Variants in COLEC10 observed in about 807,000 individuals in gnomAD.
COLEC10 encodes the protein collectin subfamily member 10.
In COLEC10, 22 loss-of-function variants were observed where a neutral mutation model predicts 28.4. That is an observed-to-expected ratio of 0.78 (90% CI 0.55 to 1.11). The LOEUF (loss-of-function observed/expected upper bound fraction) is 1.11, where lower values mean the gene tolerates loss of function less well. Ranked by LOEUF, COLEC10 falls within the 50% of genes least tolerant of loss-of-function variation. The pLI is 0.00. For synonymous variants in COLEC10, 125 were observed against 116.1 expected (o/e 1.08, Z -0.49); for missense variants, 361 against 344.1 (o/e 1.05, Z -0.39).
the COLEC10 span, among the ~76,000 whole-genome samples, chr8:118,953,832 G>A: frequency 6.6e-6 from 1 of 152,100 alleles, no homozygotes. Context: ...ATTTTTCCTA[G>A]CTCTGTGACC....
At chr8:119,044,260 A>G (rs1476381579) in intron 2 of COLEC10, among the ~76,000 whole-genome samples, 3 of 152,260 alleles carry the variant, frequency 2.0e-5, no homozygotes, top group African/African-American at 4.8e-5. Flanking sequence ...TTACTTGCCA[A>G]GAATCAGAAA....
chr8:119,093,402 G>A (rs1047131660), intron 3 of COLEC10, among the ~76,000 whole-genome samples: 6 of 152,110 alleles, frequency 3.9e-5, no homozygotes, highest in Non-Finnish European at 8.8e-5. Context: ...AGATCTGGTG[G>A]GTTATATTGT....
chr8:119,007,522 C>T (rs1202447872), intron 1 of COLEC10, among the ~76,000 whole-genome samples: 1 of 151,070 alleles, frequency 6.6e-6, no homozygotes, highest in Admixed American at 6.6e-5. Context: ...AAAGTTTAAT[C>T]ATGGAACAAT....
chr8:119,034,944 T>A (rs570442646), intron 2 of COLEC10, among the ~76,000 whole-genome samples: 2 of 152,318 alleles, frequency 1.3e-5, no homozygotes, highest in South Asian at 4.1e-4. Context: ...TGAAGTTTAG[T>A]AAACGGCAAC....
chr8:119,069,511 G>T (rs1202542624), intron 1 of COLEC10, among the ~76,000 whole-genome samples: 1 of 145,606 alleles, frequency 6.9e-6, no homozygotes, highest in African/African-American at 2.5e-5. Context: ...GACGTCTGAG[G>T]CAGGAGAATT....
At chr8:119,081,076 C>G (rs1815357901) in intron 1 of COLEC10, among the ~76,000 whole-genome samples, 1 of 151,950 alleles carries the variant, frequency 6.6e-6, no homozygotes, top group Admixed American at 6.6e-5. Flanking sequence ...TCTTATTTAT[C>G]CATTTGTTTT....
At chr8:119,036,521 G>T (rs561204966) in intron 2 of COLEC10, among the ~76,000 whole-genome samples, 1 of 152,174 alleles carries the variant, frequency 6.6e-6, no homozygotes, top group African/African-American at 2.4e-5. Context: ...AGTTCTAAGA[G>T]TATGTGACAG....
chr8:118,973,549 A>G, the COLEC10 span, among the ~76,000 whole-genome samples: 1 of 152,004 alleles, frequency 6.6e-6, no homozygotes, highest in Admixed American at 6.6e-5. Flanking sequence ...TACACAAGTC[A>G]AAAAGACAAA....
intron 1 of COLEC10, among the ~76,000 whole-genome samples, chr8:119,087,352 G>C: frequency 6.6e-6 from 1 of 152,198 alleles, no homozygotes. Flanking sequence ...AAGGTAATTA[G>C]AGGGAGAATT....
At chr8:119,013,346 CT>C (rs1163392171) in intron 2 of COLEC10, among the ~76,000 whole-genome samples, 2 of 150,346 alleles carry the variant, frequency 1.3e-5, no homozygotes, top group Non-Finnish European at 3.0e-5. Context: ...GATTTCTGCT[CT>C]TTAAATGTGG....
chr8:119,077,314 T>C (rs914651229), intron 1 of COLEC10, among the ~76,000 whole-genome samples: 4 of 149,398 alleles, frequency 2.7e-5, no homozygotes, highest in African/African-American at 9.9e-5. Context: ...ATTATTCTAA[T>C]GTGGCCTAGC....
chr8:118,989,338 G>A, the COLEC10 span, among the ~76,000 whole-genome samples: 1 of 152,118 alleles, frequency 6.6e-6, no homozygotes, highest in East Asian at 1.9e-4. Flanking sequence ...CCAAACAGAT[G>A]AGAAAATCCA....
At chr8:119,061,129 A>G (rs1814848522) in intron 2 of COLEC10, among the ~76,000 whole-genome samples, 1 of 152,108 alleles carries the variant, frequency 6.6e-6, no homozygotes, top group Admixed American at 6.6e-5. Flanking sequence ...GTGTGTATTT[A>G]TAAATAATTT....
At chr8:118,981,317 C>T in the COLEC10 span, among the ~76,000 whole-genome samples, 2 of 152,066 alleles carry the variant, frequency 1.3e-5, no homozygotes, top group African/African-American at 2.4e-5. Context: ...CTGTGATATC[C>T]TTTACATTAC....
At chr8:118,962,391 T>C in the COLEC10 span, among the ~76,000 whole-genome samples, 2 of 152,228 alleles carry the variant, frequency 1.3e-5, no homozygotes, top group Admixed American at 6.5e-5. Context: ...ATGAAAACAT[T>C]CCCTTTACCT....
chr8:118,985,177 G>A, the COLEC10 span, among the ~76,000 whole-genome samples: 1 of 152,036 alleles, frequency 6.6e-6, no homozygotes, highest in African/African-American at 2.4e-5. Context: ...CTCCCAGAAT[G>A]GTGAGAGAAT....
At chr8:118,975,780 G>T in the COLEC10 span, among the ~76,000 whole-genome samples, 2 of 152,040 alleles carry the variant, frequency 1.3e-5, no homozygotes, top group African/African-American at 2.4e-5. Flanking sequence ...TTCCAACCCT[G>T]AAGTAGAGGA....
rs1815945936 is a variant in COLEC10 at position 119,106,448 on chromosome 8, G to A, written c.*257G>A. On this transcript the variant is annotated 3_prime_UTR_variant, in exon 6 of 6. Transcript: ENST00000332843. ...AATTTTAATTACTAATTGTGCACGA[G>A]ATAGTTGGTTGTCTATATGTCAAAT... 5.4e-6 allele frequency: 2 copies of A among 371,950 alleles called. No individual in the cohort carries two copies. The highest frequency in any genetic ancestry group is 1.0e-5 in the Non-Finnish European group (2 of 200,616). 23.0% of individuals were successfully genotyped at this position (371,950 alleles called of 1,614,324 possible).
chr8:119,044,803 C>A (rs567012115), intron 2 of COLEC10, among the ~76,000 whole-genome samples: 4 of 148,856 alleles, frequency 2.7e-5, no homozygotes, highest in Admixed American at 6.7e-5. Flanking sequence ...TGCAGTGAGC[C>A]GAGATCGCAC....
Sources: allele counts gnomAD v4.1 joint callset (sites outside exome capture counted in the v4.1 genomes callset), GRCh38; gene constraint gnomAD v4.1.1; transcripts MANE v1.5; gene names NCBI Gene and HGNC (gene_info 2026-07-23, HGNC 2026-07-21).